Variants in DEPDC5 observed in about 807,000 individuals in gnomAD.
DEPDC5 encodes the protein DEP domain containing 5, GATOR1 subcomplex subunit.
Under a neutral mutation model 217.3 loss-of-function variants are expected in DEPDC5, and 73 were observed. The observed-to-expected ratio is 0.34, with a 90% CI of 0.28 to 0.41. The LOEUF is 0.41. Among genes scored for constraint, DEPDC5 ranks in the 10% least tolerant of loss-of-function variants. The pLI is 1.00. For missense variants in DEPDC5, 1,675 were observed against 2,070.1 expected, an observed-to-expected ratio of 0.81 and a Z score of 3.70; for synonymous variants, 733 against 756.7, an observed-to-expected ratio of 0.97 and a Z score of 0.51.
In DEPDC5 at chr22:31,878,401, G is replaced by T. The variant is rs553001980; in HGVS notation, c.3806-1124G>T. Among the ~76,000 whole-genome samples the T allele has an allele frequency of 8.5e-5, 13 of 152,150 alleles. No individual in the cohort carries two copies. In the South Asian group the frequency reaches 2.7e-3, roughly 32 times the overall value. The stretch of plus-strand genomic sequence containing the variant: ...ACTGTTATATATTCTGAAATTTGAG[G>T]TATGAAACTGATCATAAGGTCAAGT... On this transcript the variant is annotated intron_variant, in intron 37 of 42. Transcript: ENST00000651528.
intron 39 of DEPDC5, among the ~76,000 whole-genome samples, chr22:31,896,688 G>T (rs1391105592): frequency 6.6e-6 from 1 of 152,188 alleles, no homozygotes; most frequent in African/African-American, 2.4e-5. Context: ...GACTCTGCCA[G>T]AGAGTGGCTC....
chr22:31,858,484 T>C (rs2092387490), intron 32 of DEPDC5: 1 of 152,198 alleles, frequency 6.6e-6, no homozygotes, highest in African/African-American at 2.4e-5. Context: ...TCCCTATCAC[T>C]GGGAGATGAA....
intron 10 of DEPDC5, among the ~76,000 whole-genome samples, chr22:31,786,093 C>T (rs1421060369): frequency 1.3e-5 from 2 of 151,882 alleles, no homozygotes; most frequent in East Asian, 1.9e-4. Context: ...CCTGTCTCTA[C>T]TAAAAATACA....
chr22:31,807,390 TAA>T (rs2087676900), intron 18 of DEPDC5, among the ~76,000 whole-genome samples: 1 of 152,238 alleles, frequency 6.6e-6, no homozygotes, highest in South Asian at 2.1e-4. Context: ...TTGCAACTGA[TAA>T]AAATGCAAGT....
chr22:31,799,799 CTTTTTTT>C (rs1158355451), intron 14 of DEPDC5, among the ~76,000 whole-genome samples: 1 of 72,924 alleles, frequency 1.4e-5, no homozygotes, highest in African/African-American at 7.4e-5. Flanking sequence ...CATGCCCGGC[CTTTTTTT>C]TTTTTTTTTT....
At chr22:31,883,863 G>A (rs1447336950) in intron 38 of DEPDC5, among the ~76,000 whole-genome samples, 2 of 152,136 alleles carry the variant, frequency 1.3e-5, no homozygotes, top group Non-Finnish European at 2.9e-5. Context: ...CAGGTCCCAG[G>A]CCCTTGCTAC....
intron 36 of DEPDC5, 173 bp from the exon 37 acceptor site, chr22:31,875,984 C>A: frequency 1.8e-6 from 1 of 563,744 alleles, no homozygotes; most frequent in Admixed American, 3.0e-5. Flanking sequence ...GATGATGATA[C>A]GAGTTTACAT....
chr22:31,833,933 A>C lies in DEPDC5; in HGVS notation c.2123A>C (p.Gln708Pro). ...NSGAGMNPRT[Q>P]NKDSLEDSVS... ...TCCATAGGTATGAATCCTAGGACCC[A>C]GAATAAGGATTCTCTAGAGGACAGT... The change falls in exon 25 of 43, where the codon CAG (glutamine) becomes CCG (proline). Residue 708 changes from glutamine (Q) to proline (P), a missense_variant. Transcript: ENST00000651528. 1 of 1,597,974 alleles carries C rather than the reference A, an allele frequency of 6.3e-7. No homozygotes were observed. Among genetic ancestry groups the C allele is most frequent in the Non-Finnish European group, 8.5e-7 (1 of 1,170,794 alleles).
intron 4 of DEPDC5, among the ~76,000 whole-genome samples, chr22:31,764,475 G>C (rs1291196796): frequency 6.6e-6 from 1 of 152,022 alleles, no homozygotes; most frequent in Non-Finnish European, 1.5e-5. Context: ...GAGTGCAGTG[G>C]TACGATCTCA....
At chr22:31,873,565 G>A (rs947282631) in intron 35 of DEPDC5, among the ~76,000 whole-genome samples, 32 of 151,334 alleles carry the variant, frequency 2.1e-4, no homozygotes, top group African/African-American at 7.8e-4. Flanking sequence ...AGGCTAGAGT[G>A]CGGTGTCGCC....
At position 31,907,080 on chromosome 22, in the gene DEPDC5, G is replaced by T. The variant is rs2093769538; in HGVS notation, c.*583G>T. On this transcript the variant is annotated 3_prime_UTR_variant, in exon 43 of 43. Transcript: ENST00000651528. ...CCTGGGCTGGGCAGTTGTGCCAGGT[G>T]GCCGGGGTCATGGCAGTCAATGAAG... 6.4e-6 allele frequency: 1 copy of T among 155,994 alleles called. No individual in the cohort carries two copies. Among genetic ancestry groups the T allele is most frequent in the African/African-American group, 2.4e-5 (1 of 41,478 alleles). 9.7% of individuals were successfully genotyped at this position (155,994 alleles called of 1,614,324 possible).
Position 31,766,580 on chromosome 22 carries a change from T to C in DEPDC5, c.280-5T>C, listed in dbSNP as rs1478867993. On this transcript the variant is annotated splice_region_variant and splice_polypyrimidine_tract_variant and intron_variant, in intron 5 of 42. Coordinates refer to ENST00000651528, the MANE Select transcript of DEPDC5 (RefSeq NM_001242896.3). ...TCAGAGATATCATTTGATTATTCCTTTTAGGATGTGACCCTTGACCTAGTG... is the reference window on the plus strand; with the variant it reads ...TCAGAGATATCATTTGATTATTCCTCTTAGGATGTGACCCTTGACCTAGTG... The C allele has an allele frequency of 6.2e-7, 1 of 1,613,496 alleles. No homozygotes were observed. Among genetic ancestry groups the C allele is most frequent in the Admixed American group, 1.7e-5 (1 of 59,962 alleles).
At chr22:31,774,762 A>C (rs554074530) in intron 7 of DEPDC5, among the ~76,000 whole-genome samples, 1 of 152,028 alleles carries the variant, frequency 6.6e-6, no homozygotes, top group East Asian at 1.9e-4. Context: ...AGAATCGCTC[A>C]AGCCCAAGAA....
In DEPDC5 at chr22:31,843,187, A is replaced by G. The variant is rs573955848; in HGVS notation, c.2608A>G (p.Ile870Val). The G allele has an allele frequency of 6.2e-7, 1 of 1,614,180 alleles. No homozygotes were observed. Among genetic ancestry groups the G allele is most frequent in the Admixed American group, 1.7e-5 (1 of 60,006 alleles). ...FHKVTLKDKM[I>V]TVTRYLPKYP... Reference sequence around the variant, plus strand: ...CAAAGTGACGCTGAAGGATAAGATGATCACAGTGACGCGATACCTTCCCAA... The same window carrying G: ...CAAAGTGACGCTGAAGGATAAGATGGTCACAGTGACGCGATACCTTCCCAA... Residue 870 changes from isoleucine to valine, a missense_variant, in exon 28 of 43, where the codon ATC (isoleucine) becomes GTC (valine). By Grantham distance (29) the Ile-to-Val change is conservative (BLOSUM62 3). Around this residue, in one of 11 missense-constraint regions of DEPDC5, gnomAD observed 293 missense variants for 386.1 expected, o/e 0.76. Coordinates refer to ENST00000651528, the MANE Select transcript of DEPDC5 (RefSeq NM_001242896.3).
At chr22:31,804,498 G>T (rs1294228606) in intron 16 of DEPDC5, among the ~76,000 whole-genome samples, 1 of 152,176 alleles carries the variant, frequency 6.6e-6, no homozygotes, top group African/African-American at 2.4e-5. Flanking sequence ...GGAGTGCAAT[G>T]GTGCGATGTT....
intron 9 of DEPDC5, 158 bp from the exon 10 acceptor site, chr22:31,784,656 C>A: frequency 9.5e-6 from 5 of 524,964 alleles, no homozygotes; most frequent in Non-Finnish European, 1.0e-5. Flanking sequence ...AATACACCTT[C>A]TTTTTGGTCC....
chr22:31,780,650 T>C lies in DEPDC5; in HGVS notation c.483+2482T>C, dbSNP rs547620419. 7.2e-5 allele frequency among the ~76,000 whole-genome samples: 11 copies of C among 152,284 alleles called. No individual in the cohort carries two copies. In the East Asian group the frequency reaches 1.7e-3, roughly 24 times the overall value. On this transcript the variant is annotated intron_variant, in intron 8 of 42. Coordinates refer to ENST00000651528, the MANE Select transcript of DEPDC5 (RefSeq NM_001242896.3). ...AAGCCACTCATCCAGGTCTCAGCTCTAGTCTCAGGATTCCCTGCTTCTGGA... is the reference window on the plus strand; with the variant it reads ...AAGCCACTCATCCAGGTCTCAGCTCCAGTCTCAGGATTCCCTGCTTCTGGA...
At position 31,770,547 on chromosome 22, in the gene DEPDC5, ATTT is replaced by A. The variant is rs34409975; in HGVS notation, c.413+1700_413+1702del. Among the ~76,000 whole-genome samples the A allele has an allele frequency of 3.0e-3, 400 of 133,454 alleles. 2 individuals carry two copies. The highest frequency in any genetic ancestry group is 9.5e-3 in the African/African-American group (344 of 36,122). The allele number at this position is 133,454 out of a possible 152,430, so 87.6% of individuals were successfully genotyped here. A position where few individuals can be genotyped will look rare whatever the true frequency, so the allele number is the denominator to read the frequency against. On this transcript the variant is annotated intron_variant, in intron 7 of 42. Transcript: ENST00000651528. The stretch of plus-strand genomic sequence containing the variant: ...AGTTACCCACCACCACACGTAGCTA[ATTT>A]TTTTTTTTTTTTTTTGTATTTTTAG...
At position 31,792,758 on chromosome 22, in the gene DEPDC5, A is replaced by T; in HGVS notation, c.708A>T (p.Glu236Asp). ...YDAKSVDEFPEINRASIRQDH... is the reference protein window; with the variant it reads ...YDAKSVDEFPDINRASIRQDH... Reference sequence around the variant, plus strand: ...TCTCTATTTCAGATGAATTTCCTGAAATAAACCGAGCCTCAATTCGACAGG... The same window carrying T: ...TCTCTATTTCAGATGAATTTCCTGATATAAACCGAGCCTCAATTCGACAGG... The change falls in exon 12 of 43, where the codon GAA (glutamate) becomes GAT (aspartate). Residue 236 changes from glutamate (E) to aspartate (D), a missense_variant. Around this residue, in one of 11 missense-constraint regions of DEPDC5, gnomAD observed 628 missense variants for 762.1 expected, o/e 0.82. Transcript: ENST00000651528. 1 of 1,548,554 alleles carries T rather than the reference A, an allele frequency of 6.5e-7. No homozygotes were observed. The highest frequency in any genetic ancestry group is 8.6e-7 in the Non-Finnish European group (1 of 1,157,590).
Sources: gnomAD v4.1 joint callset for allele counts (sites outside exome capture counted in the v4.1 genomes callset) on GRCh38, gnomAD v4.1.1 for gene constraint, gnomAD v4.1.1 regional missense constraint, MANE v1.5 for transcripts, NCBI Gene and HGNC (gene_info 2026-07-23, HGNC 2026-07-21) for gene names.